The following TRDN variants were observed in gnomAD, a reference collection of about 807,000 sequenced individuals.
TRDN encodes the protein triadin in skeletal muscle.
TRDN carries 161 observed loss-of-function variants against 149.7 expected under a neutral mutation model. That is an observed-to-expected ratio of 1.08 (90% CI 0.95 to 1.23). The LOEUF is 1.23. Ranked by LOEUF, TRDN falls within the 50% of genes most tolerant of loss-of-function variation. The pLI, the probability that TRDN is intolerant of heterozygous loss-of-function variation, is 0.00. For missense variants in TRDN, 896 were observed against 823.5 expected (o/e 1.09, Z -1.08); for synonymous variants, 294 against 250.5 (o/e 1.17, Z -1.64).
chr6:123,228,982 A>T (rs1356013898), intron 38 of TRDN, among the ~76,000 whole-genome samples: 1 of 151,984 alleles, frequency 6.6e-6, no homozygotes, highest in Non-Finnish European at 1.5e-5. Flanking sequence ...TGAAGAGGTA[A>T]GCATAATATT....
At chr6:123,440,197 G>A (rs1385346909) in intron 10 of TRDN, among the ~76,000 whole-genome samples, 2 of 152,080 alleles carry the variant, frequency 1.3e-5, no homozygotes, top group Admixed American at 6.5e-5. Context: ...AATTTATAAA[G>A]AACCCCTTTC....
intron 38 of TRDN, among the ~76,000 whole-genome samples, chr6:123,250,083 G>A (rs4345414): frequency 0.61 from 93,217 of 151,912 alleles, 30,623 homozygotes; most frequent in Middle Eastern, 0.79. Context: ...AATCAAGAAG[G>A]TAATTGCATT....
At chr6:123,454,956 A>T (rs1357408552) in intron 10 of TRDN, among the ~76,000 whole-genome samples, 1 of 152,180 alleles carries the variant, frequency 6.6e-6, no homozygotes, top group African/African-American at 2.4e-5. Context: ...AAATCTAAAG[A>T]TGATCACAAA....
chr6:123,600,533 A>G (rs149148879), intron 1 of TRDN, among the ~76,000 whole-genome samples: 223 of 152,138 alleles, frequency 1.5e-3, no homozygotes, highest in Admixed American at 3.4e-3. Flanking sequence ...GGGGCCTGAA[A>G]AAAGGGCAGG....
chr6:123,585,806 C>G (rs950227785), intron 1 of TRDN, among the ~76,000 whole-genome samples: 9 of 152,004 alleles, frequency 5.9e-5, no homozygotes, highest in African/African-American at 1.9e-4. Context: ...GTGGTTCAGG[C>G]ATTTGGAAGT....
intron 12 of TRDN, among the ~76,000 whole-genome samples, chr6:123,424,462 C>A (rs943541989): frequency 2.6e-5 from 4 of 152,120 alleles, no homozygotes; most frequent in East Asian, 1.9e-4. Context: ...ACAACTCATG[C>A]ATCAATTAGC....
intron 15 of TRDN, 79 bp downstream of exon 15, chr6:123,382,039 C>T (rs1442056537): frequency 6.0e-6 from 6 of 1,004,336 alleles, no homozygotes; most frequent in South Asian, 2.5e-5. Flanking sequence ...ATTCTTTCTT[C>T]TACATCAATC....
intron 27 of TRDN, among the ~76,000 whole-genome samples, chr6:123,273,607 T>C (rs1434270481): frequency 6.6e-6 from 1 of 151,986 alleles, no homozygotes; most frequent in African/African-American, 2.4e-5. Flanking sequence ...TAAATCATAA[T>C]AATATTTGTA....
intron 10 of TRDN, among the ~76,000 whole-genome samples, chr6:123,443,366 T>A (rs1375251523): frequency 6.6e-6 from 1 of 151,890 alleles, no homozygotes; most frequent in African/African-American, 2.4e-5. Context: ...AGGGTAAACC[T>A]TTCTGAATGG....
chr6:123,380,751 T>G (rs1336428357), intron 16 of TRDN, among the ~76,000 whole-genome samples: 1 of 150,754 alleles, frequency 6.6e-6, no homozygotes, highest in East Asian at 1.9e-4. Flanking sequence ...TAAATATATC[T>G]TATTTTCTTC....
At chr6:123,361,526 AAG>A (rs547258197) in intron 20 of TRDN, among the ~76,000 whole-genome samples, 8 of 151,880 alleles carry the variant, frequency 5.3e-5, no homozygotes, top group Middle Eastern at 3.4e-3. Flanking sequence ...AATAAAAAAA[AAG>A]AGAGAGAGAG....
At chr6:123,623,760 G>A (rs960155673) in intron 1 of TRDN, among the ~76,000 whole-genome samples, 5 of 151,992 alleles carry the variant, frequency 3.3e-5, no homozygotes, top group Admixed American at 2.0e-4. Flanking sequence ...GTTAACATAA[G>A]TTCTCCTCCT....
chr6:123,615,957 A>C (rs562450235), intron 1 of TRDN, among the ~76,000 whole-genome samples: 1 of 152,342 alleles, frequency 6.6e-6, no homozygotes, highest in South Asian at 2.1e-4. Context: ...CATGCTAATT[A>C]CCCTGATTTG....
intron 1 of TRDN, among the ~76,000 whole-genome samples, chr6:123,585,147 G>A (rs1400130634): frequency 1.2e-4 from 17 of 139,652 alleles, no homozygotes; most frequent in Non-Finnish European, 1.9e-4. Context: ...GTTAAGGTGG[G>A]GGAATACAAG....
At chr6:123,561,807 G>A (rs901786316) in intron 2 of TRDN, among the ~76,000 whole-genome samples, 17 of 151,852 alleles carry the variant, frequency 1.1e-4, no homozygotes, top group South Asian at 2.1e-4. Flanking sequence ...TTCCCATGCC[G>A]CCCCAATCCC....
At chr6:123,477,349 A>T (rs976409381) in intron 9 of TRDN, among the ~76,000 whole-genome samples, 1 of 145,282 alleles carries the variant, frequency 6.9e-6, no homozygotes, top group Admixed American at 6.8e-5. Context: ...ACAAATCAAA[A>T]CCACAATGAG....
intron 23 of TRDN, among the ~76,000 whole-genome samples, chr6:123,324,101 T>C (rs373294457): frequency 3.9e-4 from 60 of 152,288 alleles, no homozygotes; most frequent in African/African-American, 1.4e-3. Flanking sequence ...CTTACCAAGG[T>C]AAACAAGCAG....
intron 9 of TRDN, among the ~76,000 whole-genome samples, chr6:123,474,116 G>T (rs1777335896): frequency 1.3e-5 from 2 of 151,672 alleles, no homozygotes; most frequent in African/African-American, 4.8e-5. Context: ...AATGTCAATG[G>T]ACTAAATGCT....
intron 24 of TRDN, among the ~76,000 whole-genome samples, chr6:123,289,037 GTA>G (rs745575578): frequency 1.4e-5 from 2 of 144,708 alleles, no homozygotes; most frequent in Admixed American, 7.1e-5. Flanking sequence ...GTGTGTGTGT[GTA>G]TATATATATA....
Sources: allele counts gnomAD v4.1 joint callset (sites outside exome capture counted in the v4.1 genomes callset), GRCh38; gene constraint gnomAD v4.1.1; transcripts MANE v1.5; gene names NCBI Gene and HGNC (gene_info 2026-07-23, HGNC 2026-07-21).